DYNC2I1: variants seen among roughly 807,000 people sequenced by gnomAD.
DYNC2I1 encodes the protein cytoplasmic dynein 2 intermediate chain 1.
In DYNC2I1, 89 loss-of-function variants were observed where a neutral mutation model predicts 133.4. The ratio of observed to expected loss-of-function variants is 0.67; its 90% CI spans 0.56 to 0.80. DYNC2I1 has a LOEUF of 0.80. Ranked by LOEUF, DYNC2I1 falls within the 30% of genes least tolerant of loss-of-function variation. The pLI is 0.00. For missense variants in DYNC2I1, 1,291 were observed against 1,314.5 expected (o/e 0.98, Z 0.28); for synonymous variants, 504 against 484.3 (o/e 1.04, Z -0.54).
chr7:158,843,278 G>A, the DYNC2I1 span, among the ~76,000 whole-genome samples: 1 of 151,420 alleles, frequency 6.6e-6, no homozygotes, highest in Admixed American at 6.6e-5. Flanking sequence ...TTTGTTTTTC[G>A]AGATGGAGTT....
chr7:158,863,080 T>C (rs1295680893), intron 1 of DYNC2I1, among the ~76,000 whole-genome samples: 1 of 112,746 alleles, frequency 8.9e-6, no homozygotes, highest in Non-Finnish European at 1.7e-5. Context: ...GCTTCCACAG[T>C]GTGGAAGGGG....
At chr7:158,871,635 G>A (rs1287488407) in intron 3 of DYNC2I1, 73 bp downstream of exon 3, 3 of 1,420,702 alleles carry the variant, frequency 2.1e-6, no homozygotes, top group South Asian at 2.9e-5. Flanking sequence ...TTGATAGCTC[G>A]CTGCCTCCCC....
intron 14 of DYNC2I1, among the ~76,000 whole-genome samples, chr7:158,915,761 C>A (rs1485624428): frequency 9.7e-6 from 1 of 103,266 alleles, no homozygotes. Flanking sequence ...TGTGAAACGT[C>A]TACACGCTGG....
chr7:158,919,553 G>A (rs1033542378), intron 15 of DYNC2I1, among the ~76,000 whole-genome samples: 1 of 152,188 alleles, frequency 6.6e-6, no homozygotes, highest in Non-Finnish European at 1.5e-5. Context: ...GAGGTGGTCC[G>A]TGTGGCCGTC....
At chr7:158,947,277 C>T (rs1045010106), downstream of DYNC2I1, among the ~76,000 whole-genome samples, 5 of 152,148 alleles carry the variant, frequency 3.3e-5, no homozygotes, top group Non-Finnish European at 7.4e-5. Flanking sequence ...GGAGTGGACA[C>T]ACGGCCTCTC....
At chr7:158,910,788 G>C (rs946884464) in intron 11 of DYNC2I1, among the ~76,000 whole-genome samples, 1 of 150,098 alleles carries the variant, frequency 6.7e-6, no homozygotes, top group Admixed American at 6.6e-5. Context: ...TGTCAGGCCT[G>C]TGTGCGCAGG....
At chr7:158,916,485 T>C (rs12698299) in intron 14 of DYNC2I1, among the ~76,000 whole-genome samples, 15,204 of 33,470 alleles carry the variant, frequency 0.45, 6,034 homozygotes, top group East Asian at 0.77. Flanking sequence ...AACGTCTACA[T>C]GCTGGTTGAC....
chr7:158,931,780 G>A (rs148623731), intron 21 of DYNC2I1, among the ~76,000 whole-genome samples: 7 of 152,252 alleles, frequency 4.6e-5, no homozygotes, highest in African/African-American at 9.6e-5. Context: ...CTTATTCTAC[G>A]TGCTAGGCTT....
At chr7:158,958,087 C>CACCTG (rs1585283213), downstream of DYNC2I1, among the ~76,000 whole-genome samples, 4 of 150,050 alleles carry the variant, frequency 2.7e-5, no homozygotes, top group East Asian at 2.0e-4. Context: ...CACAGACACG[C>CACCTG]CCCAGGTCGT....
At chr7:158,844,797 T>G in the DYNC2I1 span, among the ~76,000 whole-genome samples, 1 of 151,990 alleles carries the variant, frequency 6.6e-6, no homozygotes, top group African/African-American at 2.4e-5. Context: ...AATTTTGTAT[T>G]TTTAGTGGAG....
chr7:158,946,964 G>A (rs371511121), downstream of DYNC2I1, among the ~76,000 whole-genome samples: 6 of 152,228 alleles, frequency 3.9e-5, no homozygotes, highest in Non-Finnish European at 5.9e-5. Flanking sequence ...CCTCCCCAAC[G>A]GCAGGGCTGC....
intron 1 of DYNC2I1, among the ~76,000 whole-genome samples, chr7:158,865,798 C>T (rs1022506359): frequency 1.3e-5 from 2 of 152,096 alleles, no homozygotes; most frequent in Non-Finnish European, 2.9e-5. Flanking sequence ...TTTAAAAGGC[C>T]TTGGCAGAAG....
chr7:158,879,646 A>T, intron 4 of DYNC2I1, 38 bp from the exon 5 acceptor site: 1 of 1,529,208 alleles, frequency 6.5e-7, no homozygotes, highest in Non-Finnish European at 8.7e-7. Context: ...CTCCTATTTG[A>T]TGTGCTCCTG....
intron 14 of DYNC2I1, among the ~76,000 whole-genome samples, chr7:158,918,041 C>G (rs1848655832): frequency 6.6e-6 from 1 of 152,094 alleles, no homozygotes. Flanking sequence ...AGCTCTCACT[C>G]AACATTTCCT....
At chr7:158,920,233 C>T (rs1848908786) in intron 15 of DYNC2I1, among the ~76,000 whole-genome samples, 1 of 150,992 alleles carries the variant, frequency 6.6e-6, no homozygotes, top group South Asian at 2.1e-4. Flanking sequence ...CAGCGCCGGG[C>T]CTCCATCAGG....
At chr7:158,898,346 A>G (rs1445786311) in intron 8 of DYNC2I1, among the ~76,000 whole-genome samples, 1 of 152,222 alleles carries the variant, frequency 6.6e-6, no homozygotes, top group East Asian at 1.9e-4. Context: ...TGAAGTCTCC[A>G]GCTGTAATAG....
intron 3 of DYNC2I1, among the ~76,000 whole-genome samples, chr7:158,876,297 C>G (rs1388046207): frequency 1.3e-5 from 2 of 152,108 alleles, no homozygotes; most frequent in Non-Finnish European, 1.5e-5. Context: ...GGGAAATTCA[C>G]CCCCATGATC....
Position 158,872,361 on chromosome 7 carries a change from G to A in DYNC2I1, c.490+799G>A, listed in dbSNP as rs149682116. Among the ~76,000 whole-genome samples the A allele has an allele frequency of 3.6e-3, 542 of 152,222 alleles. 8 individuals are homozygous for A. Among genetic ancestry groups the A allele is most frequent in the African/African-American group, 0.012 (487 of 41,518 alleles). On this transcript the variant is annotated intron_variant, in intron 3 of 24. Coordinates refer to ENST00000407559, the MANE Select transcript of DYNC2I1 (RefSeq NM_018051.5). Reference sequence around the variant, plus strand: ...AAAAACCATTTAGCCAGCTGGGCGCGGTGGCTCACGCCTGTAATCCCAGCA... The same window carrying A: ...AAAAACCATTTAGCCAGCTGGGCGCAGTGGCTCACGCCTGTAATCCCAGCA...
At chr7:158,840,164 T>C in the DYNC2I1 span, among the ~76,000 whole-genome samples, 2 of 151,786 alleles carry the variant, frequency 1.3e-5, no homozygotes, top group African/African-American at 4.8e-5. Flanking sequence ...AAAATGGTTT[T>C]TGGCCAGGCG....
Sources: allele counts gnomAD v4.1 joint callset (sites outside exome capture counted in the v4.1 genomes callset), GRCh38; gene constraint gnomAD v4.1.1; transcripts MANE v1.5; gene names NCBI Gene and HGNC (gene_info 2026-07-23, HGNC 2026-07-21).